The following MCCC1 variants were observed in gnomAD, a reference collection of about 807,000 sequenced individuals.
MCCC1 encodes the protein methylcrotonoyl-CoA carboxylase subunit alpha, mitochondrial.
Under a neutral mutation model 83.8 loss-of-function variants are expected in MCCC1, and 64 were observed. The observed-to-expected ratio is 0.76, with a 90% CI of 0.62 to 0.94. The LOEUF (loss-of-function observed/expected upper bound fraction) is 0.94, where lower values mean the gene tolerates loss of function less well. Ranked by LOEUF, MCCC1 falls within the 40% of genes least tolerant of loss-of-function variation. The probability of loss-of-function intolerance (pLI) is 0.00; values close to 1 mark genes in which losing one functional copy is unlikely to be tolerated. For missense variants in MCCC1, 807 were observed against 904.7 expected (o/e 0.89, Z 1.39); for synonymous variants, 322 against 315.4 (o/e 1.02, Z -0.22).
intron 4 of MCCC1, among the ~76,000 whole-genome samples, chr3:183,083,886 A>C (rs1279322919): frequency 4.6e-5 from 7 of 152,262 alleles, no homozygotes; most frequent in African/African-American, 1.7e-4. Flanking sequence ...CAGGGCAAGA[A>C]AGTTCTACTG....
At position 183,036,327 on chromosome 3, in the gene MCCC1, G is replaced by A. The variant is rs997579224; in HGVS notation, c.1594+891C>T. On this transcript the variant is annotated intron_variant, in intron 13 of 18. Transcript: ENST00000265594. ...CATTCAATCACAGGATGGAAAAAGC[G>A]GAAGTAATTCGACAATAAGTCATGG... 5.3e-5 allele frequency among the ~76,000 whole-genome samples: 8 copies of A among 151,978 alleles called. No individual in the cohort carries two copies. The South Asian group carries it at 6.2e-4, about 12-fold the overall frequency.
intron 18 of MCCC1, among the ~76,000 whole-genome samples, chr3:183,016,780 C>G (rs976159283): frequency 1.4e-4 from 21 of 152,212 alleles, no homozygotes; most frequent in African/African-American, 5.1e-4. Context: ...TCAGCCAGGG[C>G]TAAGAATCAC....
chr3:183,097,696 C>T (rs1718841047), intron 1 of MCCC1, among the ~76,000 whole-genome samples: 2 of 152,164 alleles, frequency 1.3e-5, no homozygotes, highest in African/African-American at 2.4e-5. Flanking sequence ...TGAACCAAGT[C>T]TCCTGGCAAA....
chr3:183,052,211 C>CT lies in MCCC1; in HGVS notation c.902dup (p.Leu302AlafsTer10). 6.2e-7 allele frequency: 1 copy of CT among 1,614,084 alleles called. No individual in the cohort carries two copies. Among genetic ancestry groups the CT allele is most frequent in the East Asian group, 2.2e-5 (1 of 44,866 alleles). On this transcript the variant is annotated frameshift_variant, in exon 9 of 19. Transcript: ENST00000265594. LOFTEE classifies it high-confidence loss of function. ...CAGCTCTGACTGCAGCTTCTCCCAGCTTTTTTCTTACTTCAGATTTAATAC... is the reference window on the plus strand; with the variant it reads ...CAGCTCTGACTGCAGCTTCTCCCAGCTTTTTTTCTTACTTCAGATTTAATAC...
Position 183,034,043 on chromosome 3 carries a change from T to C in MCCC1, c.1629A>G (p.Arg543=). The C allele has an allele frequency of 1.9e-6, 3 of 1,612,392 alleles. No homozygotes were observed. Among genetic ancestry groups the C allele is most frequent in the Non-Finnish European group, 2.5e-6 (3 of 1,179,174 alleles). The part of the protein sequence containing the change: ...QFSPFSSSSG[R]RLNISYTRNM... The stretch of plus-strand genomic sequence containing the variant: ...TTCTGGTATACGAGATATTCAGTCT[T>C]CTTCCACTGCTAGACGAAAATGGAG... Residue 543 remains arginine (R), a synonymous_variant, in exon 14 of 19, where the codon AGA becomes AGG. Coordinates refer to ENST00000265594, the MANE Select transcript of MCCC1 (RefSeq NM_020166.5).
chr3:183,044,674 A>C lies in MCCC1; in HGVS notation c.1083+739T>G, dbSNP rs571021697. Among the ~76,000 whole-genome samples, 8 of 152,132 alleles carry C rather than the reference A, an allele frequency of 5.3e-5. No homozygotes were observed. In the South Asian group the frequency reaches 1.5e-3, roughly 28 times the overall value. On this transcript the variant is annotated intron_variant, in intron 10 of 18. Coordinates refer to ENST00000265594, the MANE Select transcript of MCCC1 (RefSeq NM_020166.5). ...GGTAGACCATGAGGCTTTGACCTTG[A>C]GGTGATGTGGTTGTGAGCAAGCCCC... is the stretch of plus-strand genomic sequence containing the variant.
chr3:183,057,545 T>G (rs1715516628), intron 7 of MCCC1, 123 bp from the exon 8 acceptor site: 1 of 823,274 alleles, frequency 1.2e-6, no homozygotes, highest in Non-Finnish European at 2.0e-6. Context: ...TTAAGTAAGA[T>G]CTGATATTTT....
intron 14 of MCCC1, among the ~76,000 whole-genome samples, chr3:183,032,518 C>T: frequency 6.6e-6 from 1 of 152,172 alleles, no homozygotes; most frequent in East Asian, 1.9e-4. Context: ...AAGATAATGA[C>T]CATCTAGGCT....
In MCCC1 at chr3:183,054,433, C is replaced by T. The variant is rs184076082; in HGVS notation, c.874-2193G>A. Among the ~76,000 whole-genome samples, 24 of 151,452 alleles carry T rather than the reference C, an allele frequency of 1.6e-4. No homozygotes were observed. The East Asian group carries it at 1.7e-3, about 11-fold the overall frequency. On this transcript the variant is annotated intron_variant, in intron 8 of 18. Transcript: ENST00000265594. ...CGATCTCCTGACCTCGTGATTCACCCGTCTCGGCCTCCCAAAGCGCTGGGA... is the reference window on the plus strand; with the variant it reads ...CGATCTCCTGACCTCGTGATTCACCTGTCTCGGCCTCCCAAAGCGCTGGGA...
At chr3:183,034,787 T>C (rs1405928548) in intron 13 of MCCC1, among the ~76,000 whole-genome samples, 4 of 151,624 alleles carry the variant, frequency 2.6e-5, no homozygotes, top group African/African-American at 9.7e-5. Context: ...CTTTTTTTTT[T>C]TTCTTTTTTG....
intron 1 of MCCC1, among the ~76,000 whole-genome samples, chr3:183,109,139 C>T (rs761329961): frequency 2.6e-5 from 4 of 151,942 alleles, no homozygotes; most frequent in Non-Finnish European, 5.9e-5. Context: ...TTACAGGCGC[C>T]GGCCACCATG....
chr3:183,099,073 C>A, intron 1 of MCCC1: 1 of 567,872 alleles, frequency 1.8e-6, no homozygotes, highest in Non-Finnish European at 3.2e-6. Flanking sequence ...GCGAGGGGAG[C>A]CTGGAGGATG....
intron 1 of MCCC1, chr3:183,099,096 C>G: frequency 1.7e-6 from 1 of 586,290 alleles, no homozygotes; most frequent in Non-Finnish European, 3.1e-6. Flanking sequence ...GGGCCCAGTC[C>G]TCAGAAATGG....
At chr3:183,096,483 A>C (rs577016166) in intron 1 of MCCC1, among the ~76,000 whole-genome samples, 1 of 152,362 alleles carries the variant, frequency 6.6e-6, no homozygotes, top group East Asian at 1.9e-4. Context: ...AAAGCACAAG[A>C]TAAAAGCACA....
At chr3:183,033,512 C>T (rs1416422626) in intron 14 of MCCC1, among the ~76,000 whole-genome samples, 4 of 152,218 alleles carry the variant, frequency 2.6e-5, no homozygotes, top group African/African-American at 7.2e-5. Context: ...AATTACAGCT[C>T]TGCAGTGACC....
intron 8 of MCCC1, among the ~76,000 whole-genome samples, chr3:183,056,712 G>C (rs1441089541): frequency 6.6e-6 from 1 of 152,028 alleles, no homozygotes; most frequent in Admixed American, 6.5e-5. Context: ...TTTTGTTTGA[G>C]ACAAGAGTTT....
chr3:183,037,058 G>A (rs1475340582), intron 13 of MCCC1, among the ~76,000 whole-genome samples, 160 bp downstream of exon 13: 1 of 152,120 alleles, frequency 6.6e-6, no homozygotes, highest in Admixed American at 6.5e-5. Flanking sequence ...TCCATGGTAA[G>A]TGAAGAGCTT....
chr3:183,067,882 A>T (rs1045698690), intron 7 of MCCC1, among the ~76,000 whole-genome samples: 5 of 151,868 alleles, frequency 3.3e-5, no homozygotes, highest in African/African-American at 1.2e-4. Flanking sequence ...AGCTTACCAA[A>T]TTTTTTTTTA....
intron 13 of MCCC1, among the ~76,000 whole-genome samples, 158 bp from the exon 14 acceptor site, chr3:183,034,235 G>A (rs1323260234): frequency 6.6e-6 from 1 of 152,120 alleles, no homozygotes; most frequent in Non-Finnish European, 1.5e-5. Flanking sequence ...CGGATCATGA[G>A]GTCAGGAGAT....
Sources: gnomAD v4.1 joint callset for allele counts (sites outside exome capture counted in the v4.1 genomes callset) on GRCh38, gnomAD v4.1.1 for gene constraint, MANE v1.5 for transcripts, NCBI Gene and HGNC (gene_info 2026-07-23, HGNC 2026-07-21) for gene names.